The following ZNF536 variants were observed in gnomAD, a reference collection of about 807,000 sequenced individuals.
The protein encoded by ZNF536 is zinc finger protein 536.
A neutral mutation model predicts 84.5 loss-of-function variants in ZNF536; 13 were observed. The ratio of observed to expected loss-of-function variants is 0.15; its 90% CI spans 0.10 to 0.24. The LOEUF is 0.24. Ranked by LOEUF, ZNF536 falls within the 10% of genes least tolerant of loss-of-function variation. The pLI is 1.00. For missense variants in ZNF536, 1,536 were observed against 1,747.5 expected (o/e 0.88, Z 2.16); for synonymous variants, 811 against 742.5 (o/e 1.09, Z -1.50).
chr19:30,626,478 T>C (rs1381087737), intron 1 of ZNF536, among the ~76,000 whole-genome samples: 1 of 152,192 alleles, frequency 6.6e-6, no homozygotes, highest in Non-Finnish European at 1.5e-5. Context: ...GTGAGAAAGC[T>C]GGCATCGGCC....
At chr19:30,437,856 A>C (rs1031466605) in intron 1 of ZNF536, among the ~76,000 whole-genome samples, 3 of 152,240 alleles carry the variant, frequency 2.0e-5, no homozygotes, top group African/African-American at 7.2e-5. Context: ...TCCATCAATC[A>C]GCCAGGGTTT....
At chr19:30,693,638 T>A (rs890105109) in intron 1 of ZNF536, among the ~76,000 whole-genome samples, 3 of 152,232 alleles carry the variant, frequency 2.0e-5, no homozygotes, top group African/African-American at 7.2e-5. Context: ...TTTATTTATG[T>A]CTGCCACGTG....
chr19:30,233,004 A>G (rs374730739), intron 1 of ZNF536, among the ~76,000 whole-genome samples: 91 of 152,204 alleles, frequency 6.0e-4, no homozygotes, highest in African/African-American at 2.0e-3. Flanking sequence ...CTGTGGTCCT[A>G]CCTTTGGGGA....
chr19:30,612,074 T>A (rs894169958), intron 1 of ZNF536, among the ~76,000 whole-genome samples: 2 of 152,174 alleles, frequency 1.3e-5, no homozygotes, highest in Non-Finnish European at 2.9e-5. Context: ...GATTTCTGTA[T>A]CTTTCTAAAG....
chr19:30,494,140 G>A (rs2054620134), intron 2 of ZNF536, among the ~76,000 whole-genome samples: 1 of 152,176 alleles, frequency 6.6e-6, no homozygotes, highest in Non-Finnish European at 1.5e-5. Flanking sequence ...TAGAAACATT[G>A]CTTAGAAAAA....
At chr19:30,329,329 A>G (rs1230914939) in intron 2 of ZNF536, among the ~76,000 whole-genome samples, 1 of 152,130 alleles carries the variant, frequency 6.6e-6, no homozygotes, top group African/African-American at 2.4e-5. Flanking sequence ...GAGAACACAC[A>G]TAATCCTAGG....
intron 2 of ZNF536, among the ~76,000 whole-genome samples, chr19:30,529,111 G>T (rs12609450): frequency 6.6e-6 from 1 of 151,892 alleles, no homozygotes; most frequent in African/African-American, 2.4e-5. Context: ...GCCTCCTAAC[G>T]CCTGAGTCAG....
intron 1 of ZNF536, among the ~76,000 whole-genome samples, chr19:30,614,797 C>A (rs1193481386): frequency 6.6e-6 from 1 of 150,528 alleles, no homozygotes; most frequent in Non-Finnish European, 1.5e-5. Context: ...TTGCCATATG[C>A]CTTTTGATTT....
At chr19:30,258,604 A>G (rs1249958739) in intron 1 of ZNF536, among the ~76,000 whole-genome samples, 2 of 152,178 alleles carry the variant, frequency 1.3e-5, no homozygotes, top group African/African-American at 4.8e-5. Context: ...GTACCATTTG[A>G]TAGATGAATG....
intron 2 of ZNF536, among the ~76,000 whole-genome samples, chr19:30,335,083 C>G (rs1293281282): frequency 6.6e-6 from 1 of 152,140 alleles, no homozygotes; most frequent in East Asian, 1.9e-4. Context: ...CGTACAGCAT[C>G]TGGGGCTGGC....
chr19:30,533,338 T>C (rs2044933472), intron 2 of ZNF536, among the ~76,000 whole-genome samples: 1 of 152,104 alleles, frequency 6.6e-6, no homozygotes, highest in South Asian at 2.1e-4. Flanking sequence ...CTGGGCAAGA[T>C]AGCAAGACCC....
downstream of ZNF536, among the ~76,000 whole-genome samples, chr19:30,562,440 G>T (rs772675846): frequency 9.2e-5 from 14 of 152,158 alleles, no homozygotes; most frequent in Non-Finnish European, 1.3e-4. Flanking sequence ...TCTTTTAATT[G>T]TGGAAGTCTG....
chr19:30,441,357 A>G (rs963251553), intron 1 of ZNF536, among the ~76,000 whole-genome samples: 1 of 152,210 alleles, frequency 6.6e-6, no homozygotes, highest in African/African-American at 2.4e-5. Flanking sequence ...GTGCAGCTGT[A>G]TGGGGCTTGA....
intron 1 of ZNF536, among the ~76,000 whole-genome samples, chr19:30,282,543 A>G (rs1326872815): frequency 6.6e-6 from 1 of 152,180 alleles, no homozygotes; most frequent in African/African-American, 2.4e-5. Flanking sequence ...GCCCCTGGAG[A>G]ATAGTCCTAG....
rs140688762 is a variant in ZNF536 at position 30,617,641 on chromosome 19, C to T, written c.169+68127C>T. 3.1e-3 allele frequency among the ~76,000 whole-genome samples: 474 copies of T among 152,138 alleles called. 1 individual carries two copies. Among genetic ancestry groups the T allele is most frequent in the African/African-American group, 0.011 (446 of 41,530 alleles). On this transcript the variant is annotated intron_variant, in intron 1 of 1. Coordinates refer to the ZNF536 transcript ENST00000592773. ...CTGGGATTACAGGCATGAGCCACCA[C>T]ACCTGGCCTGAATAGCTTACATTTT...
intron 2 of ZNF536, among the ~76,000 whole-genome samples, chr19:30,530,278 G>A (rs1328524695): frequency 6.6e-6 from 1 of 152,204 alleles, no homozygotes; most frequent in Non-Finnish European, 1.5e-5. Flanking sequence ...ATGCACGAAA[G>A]GTTTAACAAA....
At position 30,378,555 on chromosome 19, in the gene ZNF536, G is replaced by C. The variant is rs147677678; in HGVS notation, c.-3+5999G>C. Among the ~76,000 whole-genome samples, 280 of 152,316 alleles carry C rather than the reference G, an allele frequency of 1.8e-3. 1 individual carries two copies. The highest frequency in any genetic ancestry group is 6.3e-3 in the African/African-American group (263 of 41,566). ...TTTGGGTCTTCCCACACATGCTAGT[G>C]GTGCTGAATCGGGGTGGTTTGGCTC... On this transcript the variant is annotated intron_variant, in intron 1 of 4. Transcript: ENST00000355537.
intron 2 of ZNF536, among the ~76,000 whole-genome samples, chr19:30,509,132 G>A (rs1037132484): frequency 6.6e-6 from 1 of 151,082 alleles, no homozygotes; most frequent in Non-Finnish European, 1.5e-5. Context: ...ACCATGCCTG[G>A]CCTCAACTGT....
intron 2 of ZNF536, among the ~76,000 whole-genome samples, chr19:30,497,609 C>T (rs1049028703): frequency 6.6e-6 from 1 of 152,142 alleles, no homozygotes; most frequent in African/African-American, 2.4e-5. Flanking sequence ...GGAACTAAAC[C>T]CACCTGAGTG....
Sources: gnomAD v4.1 joint callset for allele counts (sites outside exome capture counted in the v4.1 genomes callset) on GRCh38, gnomAD v4.1.1 for gene constraint, MANE v1.5 for transcripts, NCBI Gene and HGNC (gene_info 2026-07-23, HGNC 2026-07-21) for gene names.